Variants in VPS45 observed in about 807,000 individuals in gnomAD.
VPS45 encodes vacuolar protein sorting-associated protein 45.
Under a neutral mutation model 75.9 loss-of-function variants are expected in VPS45, and 35 were observed. The ratio of observed to expected loss-of-function variants is 0.46; its 90% CI spans 0.35 to 0.61. VPS45 has a LOEUF of 0.61. Ranked by LOEUF, VPS45 falls within the 20% of genes least tolerant of loss-of-function variation. The pLI is 0.00. For synonymous variants in VPS45, 220 were observed against 238.2 expected (o/e 0.92, Z 0.70); for missense variants, 559 against 685.9 (o/e 0.81, Z 2.07).
At chr1:150,093,215 T>G (rs1417870819) in intron 12 of VPS45, among the ~76,000 whole-genome samples, 1 of 152,126 alleles carries the variant, frequency 6.6e-6, no homozygotes, top group African/African-American at 2.4e-5. Flanking sequence ...ACATAATCCT[T>G]TCCTTTTATT....
intron 14 of VPS45, among the ~76,000 whole-genome samples, chr1:150,130,698 TGA>T (rs781943296): frequency 6.6e-6 from 1 of 152,210 alleles, no homozygotes; most frequent in Non-Finnish European, 1.5e-5. Context: ...AATATAGTGG[TGA>T]GCAAAACAAA....
intron 14 of VPS45, among the ~76,000 whole-genome samples, chr1:150,112,389 C>T (rs1390317312): frequency 1.3e-5 from 2 of 152,106 alleles, no homozygotes; most frequent in East Asian, 3.8e-4. Context: ...TATATAAATA[C>T]TAAGATGCAT....
rs142225617 is a variant in VPS45 at position 150,077,182 on chromosome 1, G to A, written c.527G>A (p.Arg176His). The A allele has an allele frequency of 1.4e-5, 22 of 1,614,042 alleles. No homozygotes were observed. The highest frequency in any genetic ancestry group is 2.2e-5 in the East Asian group (1 of 44,864). ...LLSLKKCPMIRYQLSSEAAKR... is the reference protein window; with the variant it reads ...LLSLKKCPMIHYQLSSEAAKR... ...TCTCTGAAGAAGTGTCCCATGATTC[G>A]TTATCAGCTCTCATCAGAGGCAGCA... The change falls in exon 6 of 15, where the codon CGT (arginine) becomes CAT (histidine). Residue 176 changes from arginine to histidine, a missense_variant. Coordinates refer to ENST00000644510, the MANE Select transcript of VPS45 (RefSeq NM_007259.5).
chr1:150,096,982 CAAT>C (rs1656686742), intron 13 of VPS45, among the ~76,000 whole-genome samples: 2 of 97,380 alleles, frequency 2.1e-5, no homozygotes, highest in South Asian at 8.0e-4. Flanking sequence ...AACTACAGTA[CAAT>C]ATTACGTATT....
chr1:150,102,221 G>A (rs1429794123), intron 13 of VPS45, among the ~76,000 whole-genome samples: 1 of 125,170 alleles, frequency 8.0e-6, no homozygotes, highest in Non-Finnish European at 1.6e-5. Context: ...CTGGGCGACA[G>A]AGTGAGACTC....
chr1:150,108,576 A>C (rs587644315), intron 13 of VPS45, among the ~76,000 whole-genome samples: 1 of 152,214 alleles, frequency 6.6e-6, no homozygotes, highest in South Asian at 2.1e-4. Flanking sequence ...AAGTGGGACC[A>C]TAAAAGGATA....
chr1:150,094,160 C>A (rs1234064036), intron 13 of VPS45, among the ~76,000 whole-genome samples: 1 of 152,092 alleles, frequency 6.6e-6, no homozygotes, highest in Non-Finnish European at 1.5e-5. Context: ...TCATCTTAAT[C>A]CAGTGGTTAA....
Position 150,119,648 on chromosome 1 carries a change from A to G in VPS45, c.1625+9021A>G, listed in dbSNP as rs1658128864. Among the ~76,000 whole-genome samples, 4 of 152,128 alleles carry G rather than the reference A, an allele frequency of 2.6e-5. No individual in the cohort carries two copies. In the South Asian group the frequency reaches 8.3e-4, roughly 32 times the overall value. On this transcript the variant is annotated intron_variant, in intron 14 of 14. Coordinates refer to ENST00000644510, the MANE Select transcript of VPS45 (RefSeq NM_007259.5). ...CCATGTCTTACATGTCTTACATCCA[A>G]ATCCATGGATTTGGATTAGTGGGTA...
At chr1:150,094,037 T>G (rs1458444429) in intron 13 of VPS45, among the ~76,000 whole-genome samples, 1 of 152,202 alleles carries the variant, frequency 6.6e-6, no homozygotes, top group East Asian at 1.9e-4. Context: ...GACTGGACTT[T>G]GCCAAATGTT....
At position 150,142,088 on chromosome 1, in the gene VPS45, G is replaced by GT. The variant is rs745533762; in HGVS notation, c.1626-2612dup. ...AATGACTCATTAGAGTCCCCAAATA[G>GT]TTTTTTTTTAAGTCATAGTGGCCCT... On this transcript the variant is annotated intron_variant, in intron 14 of 14. Coordinates refer to ENST00000644510, the MANE Select transcript of VPS45 (RefSeq NM_007259.5). 5.5e-4 allele frequency among the ~76,000 whole-genome samples: 83 copies of GT among 151,548 alleles called. 1 individual carries two copies. Among genetic ancestry groups the GT allele is most frequent in the Non-Finnish European group, 8.7e-4 (59 of 67,826 alleles).
chr1:150,133,053 C>T (rs1658906368), intron 14 of VPS45, among the ~76,000 whole-genome samples: 1 of 152,146 alleles, frequency 6.6e-6, no homozygotes, highest in Non-Finnish European at 1.5e-5. Context: ...TGTCTTAAAA[C>T]CCTTTACCAT....
At chr1:150,070,994 ATTAT>A (rs1553796929) in intron 2 of VPS45, among the ~76,000 whole-genome samples, 2 of 152,038 alleles carry the variant, frequency 1.3e-5, no homozygotes, top group Non-Finnish European at 2.9e-5. Flanking sequence ...TAAAAGATTT[ATTAT>A]TTAAATTTTT....
chr1:150,119,516 G>T (rs1343165136), intron 14 of VPS45, among the ~76,000 whole-genome samples: 3 of 152,176 alleles, frequency 2.0e-5, no homozygotes, highest in Non-Finnish European at 4.4e-5. Context: ...CAGCACAGAA[G>T]TAGCTTTTTG....
At chr1:150,075,781 C>T (rs72692895) in intron 3 of VPS45, among the ~76,000 whole-genome samples, 1 of 151,868 alleles carries the variant, frequency 6.6e-6, no homozygotes, top group Non-Finnish European at 1.5e-5. Context: ...ATGGAGTCTT[C>T]CTCTATCGCC....
At chr1:150,077,421 C>A (rs1655456659) in intron 6 of VPS45, 190 bp downstream of exon 6, 3 of 832,040 alleles carry the variant, frequency 3.6e-6, no homozygotes, top group South Asian at 1.9e-5. Context: ...TAGGTTTAAC[C>A]CAAGAAACAT....
At chr1:150,088,436 T>C (rs1335262122) in intron 10 of VPS45, among the ~76,000 whole-genome samples, 2 of 134,962 alleles carry the variant, frequency 1.5e-5, no homozygotes, top group East Asian at 4.4e-4. Context: ...GAATAATAAA[T>C]ATATATATAT....
At chr1:150,134,575 GGAA>G (rs1170178613) in intron 14 of VPS45, among the ~76,000 whole-genome samples, 2 of 152,110 alleles carry the variant, frequency 1.3e-5, no homozygotes, top group Non-Finnish European at 2.9e-5. Context: ...TTGCTTTGGT[GGAA>G]GAAGATTGTG....
At chr1:150,095,363 C>T (rs1487210174) in intron 13 of VPS45, among the ~76,000 whole-genome samples, 1 of 152,074 alleles carries the variant, frequency 6.6e-6, no homozygotes, top group Non-Finnish European at 1.5e-5. Flanking sequence ...CCTGTAATCC[C>T]AACACTTTGG....
At chr1:150,118,578 G>A (rs142339343) in intron 14 of VPS45, among the ~76,000 whole-genome samples, 1,902 of 152,072 alleles carry the variant, frequency 0.013, 28 homozygotes, top group African/African-American at 0.041. Flanking sequence ...GCTAATTTTT[G>A]TATTTTTGGT....
Sources: gnomAD v4.1 joint callset for allele counts (sites outside exome capture counted in the v4.1 genomes callset) on GRCh38, gnomAD v4.1.1 for gene constraint, MANE v1.5 for transcripts, NCBI Gene and HGNC (gene_info 2026-07-23, HGNC 2026-07-21) for gene names.